COL21A1: variants seen among roughly 807,000 people sequenced by gnomAD.
The protein encoded by COL21A1 is collagen alpha-1(XXI) chain.
In COL21A1, 149 loss-of-function variants were observed where a neutral mutation model predicts 137.9. The observed-to-expected ratio is 1.08, with a 90% confidence interval of 0.95 to 1.24. The LOEUF (loss-of-function observed/expected upper bound fraction) is 1.24. Ranked by LOEUF, COL21A1 falls within the 50% of genes most tolerant of loss-of-function variation. The pLI, the probability that COL21A1 is intolerant of heterozygous loss-of-function variation, is 0.00. For synonymous variants in COL21A1, 456 were observed against 391.5 expected, an observed-to-expected ratio of 1.16 and a Z score of -1.95; for missense variants, 1,167 against 1,158.4, an observed-to-expected ratio of 1.01 and a Z score of -0.11.
At chr6:56,200,387 G>A (rs1018668871) in intron 1 of COL21A1, among the ~76,000 whole-genome samples, 10 of 151,920 alleles carry the variant, frequency 6.6e-5, no homozygotes, top group African/African-American at 1.7e-4. Context: ...CATGTGCCAT[G>A]TTGGTGTGCT....
intron 1 of COL21A1, among the ~76,000 whole-genome samples, chr6:56,267,789 AAGAG>A (rs750324723): frequency 0.014 from 1,920 of 136,544 alleles, 23 homozygotes; most frequent in Admixed American, 0.023. Context: ...GAAGAAGAAG[AAGAG>A]AGCCTCCTAT....
chr6:56,222,222 G>A (rs923972492), intron 1 of COL21A1, among the ~76,000 whole-genome samples: 7 of 152,052 alleles, frequency 4.6e-5, no homozygotes, highest in Admixed American at 2.0e-4. Flanking sequence ...GCAGTGAGCC[G>A]AGATCGTGCT....
intron 1 of COL21A1, among the ~76,000 whole-genome samples, chr6:56,269,217 T>C (rs1473959135): frequency 6.6e-6 from 1 of 152,178 alleles, no homozygotes; most frequent in Admixed American, 6.5e-5. Flanking sequence ...ATTCCCCTAA[T>C]ATTGCTAGAC....
At chr6:56,235,425 C>A (rs1290913921) in intron 1 of COL21A1, among the ~76,000 whole-genome samples, 3 of 151,880 alleles carry the variant, frequency 2.0e-5, no homozygotes, top group African/African-American at 7.2e-5. Context: ...CTAAGCCTCA[C>A]TTCTGTTTGT....
rs1287823225 is a variant in COL21A1 at position 56,224,493 on chromosome 6, T to C, written c.-39+22894A>G. On this transcript the variant is annotated intron_variant, in intron 1 of 29. Transcript: ENST00000244728. ...TTATATGTAATTAAAACAAAAATAC[T>C]ATTTTAATGCTTCTCATTCTGAAAC... Among the ~76,000 whole-genome samples the C allele has an allele frequency of 3.3e-5, 5 of 152,102 alleles. No homozygotes were observed. The East Asian group carries it at 9.7e-4, about 29-fold the overall frequency.
intron 1 of COL21A1, among the ~76,000 whole-genome samples, chr6:56,301,914 C>G (rs1764304570): frequency 6.6e-6 from 1 of 151,690 alleles, no homozygotes; most frequent in African/African-American, 2.4e-5. Context: ...GTGTCCCATG[C>G]TCCCCTTCCT....
At chr6:56,112,303 A>G (rs1009256219) in intron 16 of COL21A1, among the ~76,000 whole-genome samples, 1 of 152,170 alleles carries the variant, frequency 6.6e-6, no homozygotes, top group African/African-American at 2.4e-5. Context: ...ATCAGGAGGG[A>G]GGCAAGCAAG....
intron 1 of COL21A1, among the ~76,000 whole-genome samples, chr6:56,304,191 C>A (rs1016178845): frequency 6.6e-6 from 1 of 151,970 alleles, no homozygotes; most frequent in Admixed American, 6.6e-5. Context: ...GTCTAAAATT[C>A]TCTTTTTTTG....
intron 1 of COL21A1, among the ~76,000 whole-genome samples, chr6:56,359,535 A>G (rs773557922): frequency 1.3e-5 from 2 of 152,188 alleles, no homozygotes; most frequent in Non-Finnish European, 2.9e-5. Flanking sequence ...GTAATTCGTT[A>G]TTACATTAAT....
At chr6:56,113,945 G>T (rs1311659313) in intron 16 of COL21A1, among the ~76,000 whole-genome samples, 2 of 152,166 alleles carry the variant, frequency 1.3e-5, no homozygotes, top group East Asian at 3.9e-4. Context: ...CATGGCTAGG[G>T]GTGGTGGTGG....
At position 56,168,267 on chromosome 6, in the gene COL21A1, G is replaced by T; in HGVS notation, c.1057C>A (p.Arg353Ser). The change falls in exon 6 of 30, where the codon CGT becomes AGT. Residue 353 changes from arginine (R) to serine (S), a missense_variant. Transcript: ENST00000244728. Reference protein sequence around the residue: ...TLFDEGWHQIRLLVTEQDVTL... With the variant: ...TLFDEGWHQISLLVTEQDVTL... ...ACATCTTGTTCTGTTACTAAGAGAC[G>T]AATTTGGTGCCAGCCTTCATCAAAC... 6.5e-7 allele frequency: 1 copy of T among 1,547,838 alleles called. No individual in the cohort carries two copies. The highest frequency in any genetic ancestry group is 8.8e-7 in the Non-Finnish European group (1 of 1,140,772).
At position 56,077,561 on chromosome 6, in the gene COL21A1, A is replaced by G; in HGVS notation, c.1825T>C (p.Phe609Leu). ...GTRGEPGIPG[F>L]PGNRGLMGQK... ...CCCATTAATCCTCGGTTTCCAGGAA[A>G]TCCTGGGATTCCCTAAAAACAAATA... is the stretch of plus-strand genomic sequence containing the variant. Residue 609 changes from phenylalanine (F) to leucine (L), a missense_variant, in exon 18 of 30, where the codon TTT becomes CTT. Physicochemically the swap from Phe to Leu is conservative, Grantham distance 22 (BLOSUM62 0). Coordinates refer to ENST00000244728, the MANE Select transcript of COL21A1 (RefSeq NM_030820.4). 1 of 1,574,646 alleles carries G rather than the reference A, an allele frequency of 6.4e-7. No homozygotes were observed. Among genetic ancestry groups the G allele is most frequent in the Non-Finnish European group, 8.6e-7 (1 of 1,158,294 alleles).
At chr6:56,167,520 C>A (rs1776688203) in intron 6 of COL21A1, among the ~76,000 whole-genome samples, 1 of 152,168 alleles carries the variant, frequency 6.6e-6, no homozygotes, top group South Asian at 2.1e-4. Context: ...ATGACAGACT[C>A]TTCCTTTAAT....
chr6:56,189,576 C>A (rs1170654718), intron 1 of COL21A1, among the ~76,000 whole-genome samples: 1 of 152,134 alleles, frequency 6.6e-6, no homozygotes, highest in East Asian at 1.9e-4. Context: ...CTTCCCCAAC[C>A]TAGCAAGACA....
At chr6:56,073,719 A>C (rs1046784301) in intron 20 of COL21A1, among the ~76,000 whole-genome samples, 1 of 151,486 alleles carries the variant, frequency 6.6e-6, no homozygotes, top group African/African-American at 2.4e-5. Context: ...GAGAATAACT[A>C]ACCTCATATC....
At chr6:56,256,882 AG>A (rs1225676453) in intron 1 of COL21A1, among the ~76,000 whole-genome samples, 1 of 151,180 alleles carries the variant, frequency 6.6e-6, no homozygotes, top group Non-Finnish European at 1.5e-5. Context: ...GGGCAGGTTC[AG>A]TTAGAATTTA....
intron 1 of COL21A1, among the ~76,000 whole-genome samples, chr6:56,303,302 A>T (rs1764349224): frequency 6.6e-6 from 1 of 152,298 alleles, no homozygotes; most frequent in Non-Finnish European, 1.5e-5. Context: ...ATGGCATTGA[A>T]TCTATAAATT....
chr6:56,313,724 G>C (rs1177997376), intron 1 of COL21A1, among the ~76,000 whole-genome samples: 1 of 151,996 alleles, frequency 6.6e-6, no homozygotes, highest in Non-Finnish European at 1.5e-5. Flanking sequence ...CCATAGCATA[G>C]CCATTTGGAT....
rs540887283 is a variant in COL21A1, at chr6:56,202,381, C to T, written c.-38-19725G>A. On this transcript the variant is annotated intron_variant, in intron 1 of 29. Transcript: ENST00000244728. ...AACCCAAGAGCACACATCCATCTTC[C>T]TTATCTCCCCTAAATTTAATGGATA... Among the ~76,000 whole-genome samples, 142 of 152,274 alleles carry T rather than the reference C, an allele frequency of 9.3e-4. 2 individuals carry two copies. The South Asian group carries it at 0.028, about 30-fold the overall frequency.
Sources: gnomAD v4.1 joint callset for allele counts (sites outside exome capture counted in the v4.1 genomes callset) on GRCh38, gnomAD v4.1.1 for gene constraint, MANE v1.5 for transcripts, NCBI Gene and HGNC (gene_info 2026-07-23, HGNC 2026-07-21) for gene names.